The following SLC24A2 variants were observed in gnomAD, a reference collection of about 807,000 sequenced individuals.
SLC24A2 encodes the protein sodium/potassium/calcium exchanger 2.
Under a neutral mutation model 62.0 loss-of-function variants are expected in SLC24A2, and 36 were observed. That is an observed-to-expected ratio of 0.58 (90% confidence interval 0.44 to 0.77). The LOEUF (loss-of-function observed/expected upper bound fraction) is 0.77, where lower values mean the gene tolerates loss of function less well. Ranked by LOEUF, SLC24A2 falls within the 30% of genes least tolerant of loss-of-function variation. The pLI is 0.00. For missense variants in SLC24A2, 846 were observed against 817.9 expected (o/e 1.03, Z -0.42); for synonymous variants, 358 against 294.0 (o/e 1.22, Z -2.23).
the SLC24A2 span, among the ~76,000 whole-genome samples, chr9:20,013,354 T>C: frequency 6.6e-6 from 1 of 152,124 alleles, no homozygotes; most frequent in Non-Finnish European, 1.5e-5. Flanking sequence ...ACCAAATACA[T>C]ACATTCATCA....
the SLC24A2 span, among the ~76,000 whole-genome samples, chr9:19,976,129 C>A: frequency 5.1e-4 from 77 of 152,324 alleles, no homozygotes; most frequent in African/African-American, 1.5e-3. Context: ...AGCCATCTTC[C>A]TGCCTCAGCC....
At chr9:20,300,857 G>C in the SLC24A2 span, among the ~76,000 whole-genome samples, 1 of 152,194 alleles carries the variant, frequency 6.6e-6, no homozygotes, top group Middle Eastern at 3.2e-3. Flanking sequence ...AATATAAAGT[G>C]CTGGAATGTG....
the SLC24A2 span, among the ~76,000 whole-genome samples, chr9:19,866,732 G>T: frequency 7.1e-6 from 1 of 141,842 alleles, no homozygotes; most frequent in Non-Finnish European, 1.5e-5. Context: ...CGCCTCCCAG[G>T]TTCATGCCAT....
intron 2 of SLC24A2, 72 bp downstream of exon 2, chr9:19,785,865 C>T: frequency 1.3e-6 from 2 of 1,596,594 alleles, no homozygotes; most frequent in East Asian, 4.5e-5. Context: ...AAAAGAACTG[C>T]AGATCTCAAA....
At chr9:19,744,004 G>A (rs1330213017) in intron 2 of SLC24A2, among the ~76,000 whole-genome samples, 2 of 152,094 alleles carry the variant, frequency 1.3e-5, no homozygotes, top group Non-Finnish European at 2.9e-5. Context: ...ACCCAGTCCT[G>A]ATCATCACCG....
intron 2 of SLC24A2, among the ~76,000 whole-genome samples, chr9:19,780,201 T>C (rs1339473706): frequency 6.6e-6 from 1 of 152,212 alleles, no homozygotes; most frequent in African/African-American, 2.4e-5. Context: ...GTTGTTTAGC[T>C]GGAGCGTAAA....
the SLC24A2 span, among the ~76,000 whole-genome samples, chr9:20,062,107 T>C: frequency 1.1e-4 from 17 of 152,274 alleles, no homozygotes; most frequent in South Asian, 2.9e-3. Context: ...CACATGCCTG[T>C]AGTCTTAGCT....
chr9:19,793,171 G>C (rs995013295), upstream of SLC24A2, among the ~76,000 whole-genome samples: 6 of 152,228 alleles, frequency 3.9e-5, no homozygotes, highest in Non-Finnish European at 8.8e-5. Context: ...TGTAGGTTAT[G>C]TTATGATAAC....
chr9:19,518,690 G>C (rs965241230), intron 10 of SLC24A2, among the ~76,000 whole-genome samples: 2 of 152,042 alleles, frequency 1.3e-5, no homozygotes, highest in African/African-American at 2.4e-5. Context: ...AAAGTGCTGG[G>C]ATTACAGGTG....
rs563418327 is a variant in SLC24A2 at position 19,726,375 on chromosome 9, G to A, written c.930+59562C>T. ...TCTAGTTCTATATTTTCGTGTGTGC[G>A]AATGTGTATAAGCTTGTGTTATTCT... On this transcript the variant is annotated intron_variant, in intron 2 of 10. Transcript: ENST00000341998. Among the ~76,000 whole-genome samples, 6 of 152,282 alleles carry A rather than the reference G, an allele frequency of 3.9e-5. No individual in the cohort carries two copies. In the South Asian group the frequency reaches 6.2e-4, roughly 16 times the overall value.
At chr9:20,233,462 TCC>T in the SLC24A2 span, among the ~76,000 whole-genome samples, 4 of 152,196 alleles carry the variant, frequency 2.6e-5, no homozygotes, top group Non-Finnish European at 5.9e-5. Context: ...GTTTAATTGA[TCC>T]CTTTACCATT....
intron 2 of SLC24A2, among the ~76,000 whole-genome samples, chr9:19,777,338 C>G (rs945887478): frequency 1.3e-5 from 2 of 152,134 alleles, no homozygotes; most frequent in Non-Finnish European, 2.9e-5. Flanking sequence ...AATTGGAAAA[C>G]ATTAAAAATT....
chr9:20,092,084 C>T, the SLC24A2 span, among the ~76,000 whole-genome samples: 2 of 152,008 alleles, frequency 1.3e-5, no homozygotes, highest in African/African-American at 4.8e-5. Flanking sequence ...GACCCTGGGG[C>T]CTACTTGAGA....
the SLC24A2 span, among the ~76,000 whole-genome samples, chr9:20,011,657 G>A: frequency 1.3e-5 from 2 of 152,284 alleles, no homozygotes; most frequent in Admixed American, 1.3e-4. Flanking sequence ...AGTAATGGCT[G>A]AAAATTTCCC....
chr9:19,743,695 T>G (rs1485986547), intron 2 of SLC24A2, among the ~76,000 whole-genome samples: 1 of 152,148 alleles, frequency 6.6e-6, no homozygotes, highest in African/African-American at 2.4e-5. Flanking sequence ...CTGCCCTCCT[T>G]TAAAATATCT....
the SLC24A2 span, among the ~76,000 whole-genome samples, chr9:20,033,979 T>C: frequency 0.21 from 31,662 of 152,184 alleles, 4,047 homozygotes; most frequent in African/African-American, 0.35. Flanking sequence ...CATGTGGCCT[T>C]CTAGGCTGAA....
chr9:20,218,379 TA>T, the SLC24A2 span, among the ~76,000 whole-genome samples: 1 of 152,194 alleles, frequency 6.6e-6, no homozygotes, highest in Non-Finnish European at 1.5e-5. Context: ...TTTGGATTTC[TA>T]GTGCTCCATC....
intron 5 of SLC24A2, among the ~76,000 whole-genome samples, chr9:19,594,233 C>T (rs1013536927): frequency 6.6e-6 from 1 of 152,074 alleles, no homozygotes; most frequent in South Asian, 2.1e-4. Context: ...TCAGTGATTG[C>T]CGTGTGTTAT....
the SLC24A2 span, among the ~76,000 whole-genome samples, chr9:19,857,203 G>A: frequency 1.1e-3 from 170 of 152,164 alleles, 2 homozygotes; most frequent in African/African-American, 3.9e-3. Flanking sequence ...TATATTCCTT[G>A]GTTTGTGTCC....
Sources: allele counts gnomAD v4.1 joint callset (sites outside exome capture counted in the v4.1 genomes callset), GRCh38; gene constraint gnomAD v4.1.1; transcripts MANE v1.5; gene names NCBI Gene and HGNC (gene_info 2026-07-23, HGNC 2026-07-21).